Variants in SDK1 observed in about 807,000 individuals in gnomAD.
The protein encoded by SDK1 is sidekick cell adhesion molecule 1, also known as protein sidekick-1.
In SDK1, 157 loss-of-function variants were observed where a neutral mutation model predicts 245.5. The observed-to-expected ratio is 0.64, with a 90% CI of 0.56 to 0.73. SDK1 has a LOEUF of 0.73. SDK1 is among the 30% of genes least tolerant of loss of function. SDK1 has a pLI of 0.00. For missense variants in SDK1, 3,583 were observed against 3,002.3 expected (o/e 1.19, Z -4.52); for synonymous variants, 1,647 against 1,278.5 (o/e 1.29, Z -6.15).
At chr7:4,170,431 G>C (rs1275361425) in intron 32 of SDK1, among the ~76,000 whole-genome samples, 1 of 151,958 alleles carries the variant, frequency 6.6e-6, no homozygotes, top group Non-Finnish European at 1.5e-5. Context: ...TGGGTGACAG[G>C]GTGAGATCCT....
intron 1 of SDK1, among the ~76,000 whole-genome samples, chr7:3,523,036 C>T (rs1054793934): frequency 5.1e-5 from 2 of 39,024 alleles, no homozygotes; most frequent in South Asian, 1.8e-3. Flanking sequence ...ATTGGTAAAC[C>T]TGTAACATTT....
At chr7:3,858,428 C>T (rs1266524473) in intron 5 of SDK1, among the ~76,000 whole-genome samples, 1 of 151,752 alleles carries the variant, frequency 6.6e-6, no homozygotes, top group African/African-American at 2.4e-5. Flanking sequence ...TATTTTATTA[C>T]TACATGTATA....
chr7:3,840,081 C>T (rs1413894188), intron 5 of SDK1, among the ~76,000 whole-genome samples: 1 of 152,110 alleles, frequency 6.6e-6, no homozygotes, highest in African/African-American at 2.4e-5. Flanking sequence ...TAAAATTTTA[C>T]AGTACACTAG....
intron 1 of SDK1, 72 bp from the exon 2 acceptor site, chr7:3,619,008 T>C: frequency 8.3e-7 from 1 of 1,206,846 alleles, no homozygotes; most frequent in Non-Finnish European, 1.1e-6. Context: ...AAATAATAGA[T>C]TTATTAAATT....
chr7:3,371,627 G>T (rs747954970), intron 1 of SDK1, among the ~76,000 whole-genome samples: 6 of 152,148 alleles, frequency 3.9e-5, no homozygotes, highest in Admixed American at 3.9e-4. Context: ...CAGAAGACTT[G>T]ATCTCCAAAA....
chr7:3,749,555 T>A (rs1425813438), intron 4 of SDK1, among the ~76,000 whole-genome samples: 1 of 152,178 alleles, frequency 6.6e-6, no homozygotes, highest in Non-Finnish European at 1.5e-5. Context: ...CGCCTTGGCC[T>A]CCCAAAGTGC....
intron 1 of SDK1, among the ~76,000 whole-genome samples, chr7:3,393,552 A>T (rs1583791620): frequency 6.6e-6 from 1 of 152,226 alleles, no homozygotes; most frequent in African/African-American, 2.4e-5. Flanking sequence ...ATCGGGAAAG[A>T]GTAGATAAAA....
At chr7:3,942,799 C>T (rs927746263) in intron 5 of SDK1, among the ~76,000 whole-genome samples, 1 of 152,198 alleles carries the variant, frequency 6.6e-6, no homozygotes, top group Admixed American at 6.5e-5. Context: ...ATTTGTGGCA[C>T]TTGTACTACG....
intron 4 of SDK1, among the ~76,000 whole-genome samples, chr7:3,671,908 G>A (rs113139299): frequency 2.0e-5 from 3 of 152,116 alleles, no homozygotes; most frequent in Non-Finnish European, 4.4e-5. Context: ...CTTATTGTTT[G>A]TGTTTATAAT....
chr7:4,096,337 C>T (rs1428638502), intron 22 of SDK1, among the ~76,000 whole-genome samples: 2 of 152,110 alleles, frequency 1.3e-5, no homozygotes, highest in Non-Finnish European at 2.9e-5. Context: ...GAAGTTATTA[C>T]CTGGTAAAAC....
Position 4,017,429 on chromosome 7 carries a change from G to T in SDK1, c.2602+77G>T, listed in dbSNP as rs555889462. On this transcript the variant is annotated intron_variant, in intron 17 of 44. Transcript: ENST00000404826. Reference sequence around the variant, plus strand: ...GATTTGCAAGGTTTGACTGGAGTACGTTAGAAAGAAAAACAGAGAATCCAG... The same window carrying T: ...GATTTGCAAGGTTTGACTGGAGTACTTTAGAAAGAAAAACAGAGAATCCAG... 5.3e-6 allele frequency: 7 copies of T among 1,324,456 alleles called. No homozygotes were observed. In the South Asian group the frequency reaches 8.9e-5, roughly 17 times the overall value. 82.0% of individuals were successfully genotyped at this position (1,324,456 alleles called of 1,614,324 possible).
intron 1 of SDK1, among the ~76,000 whole-genome samples, chr7:3,403,003 C>T (rs1456463852): frequency 2.0e-5 from 3 of 152,030 alleles, no homozygotes; most frequent in Non-Finnish European, 4.4e-5. Context: ...GGTGCTATCT[C>T]GGCTCACTGC....
chr7:3,817,243 G>C (rs550975702), intron 4 of SDK1, among the ~76,000 whole-genome samples: 2 of 152,216 alleles, frequency 1.3e-5, no homozygotes, highest in Admixed American at 1.3e-4. Flanking sequence ...ACACCTCCTG[G>C]AACTCTTCCC....
intron 4 of SDK1, among the ~76,000 whole-genome samples, chr7:3,810,889 G>A (rs991625140): frequency 2.6e-5 from 4 of 152,254 alleles, no homozygotes; most frequent in Admixed American, 6.5e-5. Context: ...TTACATGTAC[G>A]CTCTTGAGCA....
intron 5 of SDK1, among the ~76,000 whole-genome samples, chr7:3,834,814 C>G (rs571603651): frequency 6.6e-6 from 1 of 152,268 alleles, no homozygotes; most frequent in African/African-American, 2.4e-5. Context: ...AAATACTTGT[C>G]CAGTGAGTGC....
intron 1 of SDK1, among the ~76,000 whole-genome samples, chr7:3,594,468 C>T (rs969701626): frequency 1.3e-5 from 2 of 152,030 alleles, no homozygotes; most frequent in African/African-American, 4.8e-5. Flanking sequence ...GAGTATATAC[C>T]TAAGGATGGA....
intron 4 of SDK1, among the ~76,000 whole-genome samples, chr7:3,682,674 T>C (rs527778899): frequency 6.6e-6 from 1 of 152,066 alleles, no homozygotes; most frequent in African/African-American, 2.4e-5. Context: ...TCCAACCTGC[T>C]CTCCTCTCTC....
At position 3,879,998 on chromosome 7, in the gene SDK1, C is replaced by A. The variant is rs1781167922; in HGVS notation, c.847+58415C>A. ...AGAGAGAGATCAAGGCTGTATTAAT[C>A]TTCTCAATGGCTTTATAATTTCCCT... is the stretch of plus-strand genomic sequence containing the variant. On this transcript the variant is annotated intron_variant, in intron 5 of 44. Coordinates refer to ENST00000404826, the MANE Select transcript of SDK1 (RefSeq NM_152744.4). 2.6e-5 allele frequency among the ~76,000 whole-genome samples: 4 copies of A among 152,106 alleles called. No individual in the cohort carries two copies. The South Asian group carries it at 8.3e-4, about 32-fold the overall frequency.
intron 38 of SDK1, among the ~76,000 whole-genome samples, chr7:4,215,817 A>G (rs764152669): frequency 1.1e-4 from 16 of 152,126 alleles, no homozygotes; most frequent in East Asian, 7.7e-4. Context: ...GGTCCTGACT[A>G]TCGGCTGGGC....
Sources: gnomAD v4.1 joint callset for allele counts (sites outside exome capture counted in the v4.1 genomes callset) on GRCh38, gnomAD v4.1.1 for gene constraint, MANE v1.5 for transcripts, NCBI Gene and HGNC (gene_info 2026-07-23, HGNC 2026-07-21) for gene names.